LRRC4C: variants seen among roughly 807,000 people sequenced by gnomAD.
LRRC4C encodes leucine rich repeat containing 4C.
In LRRC4C, 5 loss-of-function variants were observed where a neutral mutation model predicts 33.6. The ratio of observed to expected loss-of-function variants is 0.15; its 90% confidence interval spans 0.08 to 0.31. The LOEUF is 0.31. LRRC4C is among the 10% of genes least tolerant of loss of function. The probability of loss-of-function intolerance (pLI) is 1.00; values close to 1 mark genes in which losing one functional copy is unlikely to be tolerated. For synonymous variants in LRRC4C, 329 were observed against 302.0 expected (o/e 1.09, Z -0.93); for missense variants, 560 against 796.7 (o/e 0.70, Z 3.58).
At chr11:40,608,148 T>C (rs1960824539) in intron 3 of LRRC4C, among the ~76,000 whole-genome samples, 1 of 152,102 alleles carries the variant, frequency 6.6e-6, no homozygotes, top group African/African-American at 2.4e-5. Context: ...TTAATTTGGG[T>C]ATAGGAGTTA....
At chr11:41,137,257 G>GA (rs1024141825) in intron 1 of LRRC4C, among the ~76,000 whole-genome samples, 1 of 151,366 alleles carries the variant, frequency 6.6e-6, no homozygotes, top group African/African-American at 2.4e-5. Flanking sequence ...AAGAAAAAAA[G>GA]AAAAAAAAGT....
At chr11:41,230,978 G>T (rs948598912) in intron 1 of LRRC4C, among the ~76,000 whole-genome samples, 2 of 147,904 alleles carry the variant, frequency 1.4e-5, no homozygotes, top group African/African-American at 5.0e-5. Flanking sequence ...CTTCTCAAAA[G>T]AAGACATTTA....
chr11:41,215,560 G>GA (rs1947025985), intron 1 of LRRC4C, among the ~76,000 whole-genome samples: 1 of 149,368 alleles, frequency 6.7e-6, no homozygotes, highest in Non-Finnish European at 1.5e-5. Context: ...TCCTAACCCT[G>GA]AAAACCACTA....
intron 1 of LRRC4C, among the ~76,000 whole-genome samples, chr11:41,287,501 CCA>C (rs1405028892): frequency 6.6e-6 from 1 of 151,996 alleles, no homozygotes; most frequent in Non-Finnish European, 1.5e-5. Context: ...TACTTTTGCA[CCA>C]ATCTAATATA....
chr11:40,758,431 T>A (rs1021511285), intron 2 of LRRC4C, among the ~76,000 whole-genome samples: 1 of 152,168 alleles, frequency 6.6e-6, no homozygotes, highest in East Asian at 1.9e-4. Flanking sequence ...ATAATTTAAA[T>A]GCCCTCATTG....
At chr11:40,979,971 A>G (rs1852391039) in intron 1 of LRRC4C, among the ~76,000 whole-genome samples, 1 of 152,210 alleles carries the variant, frequency 6.6e-6, no homozygotes, top group Admixed American at 6.5e-5. Flanking sequence ...TTAGGGATGG[A>G]GAAATTTCTG....
intron 5 of LRRC4C, among the ~76,000 whole-genome samples, chr11:40,217,230 T>C (rs1191327254): frequency 6.6e-6 from 1 of 152,140 alleles, no homozygotes. Flanking sequence ...ACATGAATTA[T>C]CTCATGTAAT....
At chr11:40,979,969 G>A (rs544915464) in intron 1 of LRRC4C, among the ~76,000 whole-genome samples, 7 of 152,138 alleles carry the variant, frequency 4.6e-5, no homozygotes, top group African/African-American at 1.4e-4. Flanking sequence ...TCTTAGGGAT[G>A]GAGAAATTTC....
chr11:41,218,124 C>G (rs1947140411), intron 1 of LRRC4C, among the ~76,000 whole-genome samples: 1 of 121,236 alleles, frequency 8.2e-6, no homozygotes, highest in Non-Finnish European at 1.7e-5. Context: ...CAGACTATGA[C>G]TTCCTCAAGG....
At chr11:40,461,541 CAAAT>C (rs977681112) in intron 3 of LRRC4C, among the ~76,000 whole-genome samples, 4 of 151,798 alleles carry the variant, frequency 2.6e-5, no homozygotes, top group Non-Finnish European at 4.4e-5. Context: ...CAGTGCTCAG[CAAAT>C]AAATAAAGGT....
intron 5 of LRRC4C, among the ~76,000 whole-genome samples, chr11:40,220,368 T>G (rs1864313936): frequency 6.6e-6 from 1 of 152,212 alleles, no homozygotes; most frequent in African/African-American, 2.4e-5. Flanking sequence ...TAAATACAGA[T>G]AGATTACTAC....
chr11:40,420,566 A>G (rs987195462), intron 3 of LRRC4C, among the ~76,000 whole-genome samples: 2 of 152,226 alleles, frequency 1.3e-5, no homozygotes, highest in African/African-American at 4.8e-5. Flanking sequence ...TTGGGGGACT[A>G]ACACAAAGAC....
chr11:40,615,119 A>T (rs1348871204), intron 3 of LRRC4C, among the ~76,000 whole-genome samples: 2 of 151,286 alleles, frequency 1.3e-5, no homozygotes, highest in Non-Finnish European at 3.0e-5. Context: ...AACACAAAGC[A>T]TAACAAAATG....
intron 3 of LRRC4C, among the ~76,000 whole-genome samples, chr11:40,589,048 C>T (rs538743367): frequency 7.9e-5 from 12 of 152,124 alleles, no homozygotes; most frequent in East Asian, 1.9e-4. Flanking sequence ...CTTTCTGTCT[C>T]GTTGATCTGT....
chr11:40,822,401 A>G (rs1427832975), intron 2 of LRRC4C, among the ~76,000 whole-genome samples: 1 of 151,578 alleles, frequency 6.6e-6, no homozygotes, highest in African/African-American at 2.4e-5. Context: ...TTTTTAAAAA[A>G]TCCATTCATT....
At chr11:41,413,457 G>C (rs1187417585) in intron 1 of LRRC4C, among the ~76,000 whole-genome samples, 1 of 152,148 alleles carries the variant, frequency 6.6e-6, no homozygotes. Flanking sequence ...TTGTTGTTGT[G>C]ATTAAAATTA....
intron 1 of LRRC4C, among the ~76,000 whole-genome samples, chr11:41,035,786 T>C (rs1857029354): frequency 6.6e-6 from 1 of 152,196 alleles, no homozygotes; most frequent in Non-Finnish European, 1.5e-5. Context: ...TATGTAGAAT[T>C]GAATGGAAAT....
At chr11:40,589,102 G>T (rs1466495398) in intron 3 of LRRC4C, among the ~76,000 whole-genome samples, 1 of 152,096 alleles carries the variant, frequency 6.6e-6, no homozygotes, top group East Asian at 1.9e-4. Flanking sequence ...TTATTAATGT[G>T]CGGGAGTCTA....
intron 1 of LRRC4C, among the ~76,000 whole-genome samples, chr11:41,169,737 T>C (rs748449820): frequency 1.3e-5 from 2 of 152,130 alleles, no homozygotes; most frequent in African/African-American, 4.8e-5. Flanking sequence ...AGATCCCAGA[T>C]AGCAACTGAA....
Sources: gnomAD v4.1 joint callset for allele counts (sites outside exome capture counted in the v4.1 genomes callset) on GRCh38, gnomAD v4.1.1 for gene constraint, MANE v1.5 for transcripts, NCBI Gene and HGNC (gene_info 2026-07-23, HGNC 2026-07-21) for gene names.